The following PARVB variants were observed in gnomAD, a reference collection of about 807,000 sequenced individuals.
PARVB encodes parvin beta, also known as beta-parvin.
A neutral mutation model predicts 47.0 loss-of-function variants in PARVB; 46 were observed. The observed-to-expected ratio is 0.98, with a 90% CI of 0.77 to 1.25. PARVB has a LOEUF of 1.25. Ranked by LOEUF, PARVB falls within the 50% of genes most tolerant of loss-of-function variation. PARVB has a pLI of 0.00. For missense variants in PARVB, 473 were observed against 471.6 expected (o/e 1.00, Z -0.03); for synonymous variants, 196 against 196.3 (o/e 1.00, Z 0.01).
chr22:44,083,482 T>C (rs1468590988), intron 1 of PARVB, among the ~76,000 whole-genome samples: 1 of 152,124 alleles, frequency 6.6e-6, no homozygotes, highest in African/African-American at 2.4e-5. Context: ...TTTGTCATTG[T>C]CATGTGCACG....
chr22:44,015,279 A>G (rs1161934888), intron 2 of PARVB, among the ~76,000 whole-genome samples: 1 of 152,180 alleles, frequency 6.6e-6, no homozygotes, highest in Non-Finnish European at 1.5e-5. Flanking sequence ...CTTCTAATAA[A>G]AAGCAGCCCC....
upstream of PARVB, among the ~76,000 whole-genome samples, chr22:44,021,798 CACACACACACACACACACAG>C (rs1021576505): frequency 2.8e-5 from 4 of 144,046 alleles, no homozygotes; most frequent in Admixed American, 6.9e-5. Context: ...CACACACACA[CACACACACACACACACACAG>C]GGCCTAGTAG....
At chr22:44,055,216 G>A (rs731397) in intron 1 of PARVB, among the ~76,000 whole-genome samples, 6,106 of 152,086 alleles carry the variant, frequency 0.04, 296 homozygotes, top group African/African-American at 0.11. Context: ...CATATGCCCC[G>A]TACCTCCTGT....
intron 1 of PARVB, among the ~76,000 whole-genome samples, chr22:44,067,758 G>A (rs1447938226): frequency 6.6e-6 from 1 of 152,238 alleles, no homozygotes. Flanking sequence ...GACCACATCA[G>A]TGCTGGGGAC....
chr22:44,106,278 GGGA>G (rs1305608291), intron 3 of PARVB: 1 of 151,684 alleles, frequency 6.6e-6, no homozygotes. Context: ...GTGCTCCCTT[GGGA>G]GGAGATGGAC....
chr22:44,043,144 A>G (rs556598171), intron 1 of PARVB, among the ~76,000 whole-genome samples: 2 of 152,184 alleles, frequency 1.3e-5, no homozygotes, highest in Non-Finnish European at 2.9e-5. Flanking sequence ...GAGGGAAGCC[A>G]TTTGCAAAAG....
At chr22:44,160,564 C>T (rs530068655) in intron 11 of PARVB, among the ~76,000 whole-genome samples, 1 of 152,298 alleles carries the variant, frequency 6.6e-6, no homozygotes, top group Admixed American at 6.5e-5. Flanking sequence ...CCAGGCCTCT[C>T]CGGGATCCAT....
chr22:44,118,993 C>T (rs761290370), intron 3 of PARVB, 45 bp from the exon 4 acceptor site: 88 of 1,327,562 alleles, frequency 6.6e-5, no homozygotes, highest in Admixed American at 3.9e-4. Flanking sequence ...GCCTCATTGC[C>T]GTGGCGCTGG....
intron 1 of PARVB, among the ~76,000 whole-genome samples, chr22:44,040,429 C>G (rs1445231957): frequency 6.6e-6 from 1 of 152,034 alleles, no homozygotes; most frequent in Admixed American, 6.6e-5. Context: ...AAGTTAAGAA[C>G]CTTGAGATGG....
chr22:44,037,770 T>G (rs754223094), intron 1 of PARVB, among the ~76,000 whole-genome samples: 3 of 152,216 alleles, frequency 2.0e-5, no homozygotes, highest in Admixed American at 6.5e-5. Context: ...TTCCTGGCAT[T>G]TAAGCTGCAC....
At chr22:44,003,015 G>A (rs2050428342) in intron 2 of PARVB, among the ~76,000 whole-genome samples, 1 of 152,132 alleles carries the variant, frequency 6.6e-6, no homozygotes, top group African/African-American at 2.4e-5. Flanking sequence ...TGAAAAGCAA[G>A]GACATTCTGT....
intron 3 of PARVB, chr22:44,104,948 A>G (rs774097459): frequency 4.6e-5 from 7 of 152,302 alleles, no homozygotes; most frequent in Non-Finnish European, 7.3e-5. Flanking sequence ...AGGGATACAC[A>G]TGAAAATCAG....
intron 9 of PARVB, chr22:44,149,174 T>A (rs1030529284): frequency 6.6e-6 from 1 of 152,184 alleles, no homozygotes; most frequent in African/African-American, 2.4e-5. Flanking sequence ...GGATTCTCTC[T>A]GTGCATGGGC....
chr22:44,062,298 T>A (rs1239839244), intron 1 of PARVB, among the ~76,000 whole-genome samples: 4 of 151,808 alleles, frequency 2.6e-5, no homozygotes, highest in Admixed American at 2.6e-4. Context: ...CAAATCAGGG[T>A]CCCCACGACT....
At chr22:44,015,164 T>TAAA (rs35523068) in intron 2 of PARVB, among the ~76,000 whole-genome samples, 1 of 143,896 alleles carries the variant, frequency 6.9e-6, no homozygotes. Flanking sequence ...ACACAGCAAT[T>TAAA]AAAAAAAAAA....
intron 4 of PARVB, chr22:44,119,763 A>G (rs1373780085): frequency 1.9e-6 from 1 of 531,706 alleles, no homozygotes; most frequent in East Asian, 5.5e-5. Flanking sequence ...CTGTCTGAAA[A>G]GACAAATATT....
chr22:44,039,845 C>T (rs1030909200), intron 1 of PARVB: 1 of 455,602 alleles, frequency 2.2e-6, no homozygotes. Context: ...GATGAGATCT[C>T]ACTCTGATGC....
intron 8 of PARVB, chr22:44,147,530 C>T (rs1022006868): frequency 3.9e-5 from 16 of 410,640 alleles, no homozygotes; most frequent in Middle Eastern, 7.9e-4. Context: ...GAATTCAGGA[C>T]GCCTCAAGTC....
chr22:44,158,452 G>A (rs2053983178), intron 11 of PARVB, among the ~76,000 whole-genome samples: 1 of 152,194 alleles, frequency 6.6e-6, no homozygotes, highest in South Asian at 2.1e-4. Context: ...CTCCAGTGGT[G>A]GCACGAAGTC....
Sources: gnomAD v4.1 joint callset for allele counts (sites outside exome capture counted in the v4.1 genomes callset) on GRCh38, gnomAD v4.1.1 for gene constraint, MANE v1.5 for transcripts, NCBI Gene and HGNC (gene_info 2026-07-23, HGNC 2026-07-21) for gene names.